CAP2: variants seen among roughly 807,000 people sequenced by gnomAD.
CAP2 encodes cyclase associated actin cytoskeleton regulatory protein 2.
Under a neutral mutation model 57.7 loss-of-function variants are expected in CAP2, and 24 were observed. The observed-to-expected ratio is 0.42, with a 90% CI of 0.30 to 0.58. CAP2 has a LOEUF of 0.58. Among genes scored for constraint, CAP2 ranks in the 20% least tolerant of loss-of-function variants. CAP2 has a pLI of 0.22. For synonymous variants in CAP2, 194 were observed against 207.2 expected, an observed-to-expected ratio of 0.94 and a Z score of 0.55; for missense variants, 501 against 590.3, an observed-to-expected ratio of 0.85 and a Z score of 1.57.
chr6:17,514,227 G>A (rs944600998), intron 7 of CAP2, among the ~76,000 whole-genome samples: 3 of 152,052 alleles, frequency 2.0e-5, no homozygotes, highest in African/African-American at 7.2e-5. Flanking sequence ...GCCAGGCATG[G>A]TAACGCACTT....
chr6:17,439,872 C>G (rs556660977), intron 3 of CAP2, among the ~76,000 whole-genome samples: 8 of 151,584 alleles, frequency 5.3e-5, no homozygotes, highest in Non-Finnish European at 1.0e-4. Context: ...GTGCACCCCA[C>G]TTCCTAACAG....
At chr6:17,481,278 G>T (rs562118491) in intron 4 of CAP2, among the ~76,000 whole-genome samples, 1 of 152,066 alleles carries the variant, frequency 6.6e-6, no homozygotes, top group East Asian at 1.9e-4. Context: ...AATTTCTGTG[G>T]TTTTTATGGC....
chr6:17,500,375 A>ATATATATATATG (rs1561806372), intron 4 of CAP2, among the ~76,000 whole-genome samples: 2 of 116,772 alleles, frequency 1.7e-5, no homozygotes, highest in African/African-American at 6.7e-5. Flanking sequence ...ATATATATAT[A>ATATATATATATG]TATATATATT....
chr6:17,444,806 A>C (rs1422297249), intron 3 of CAP2, among the ~76,000 whole-genome samples: 1 of 61,162 alleles, frequency 1.6e-5, no homozygotes, highest in African/African-American at 5.1e-5. Context: ...CTCTCTCTCC[A>C]CACACACACA....
chr6:17,464,545 G>T (rs1760813952), intron 4 of CAP2, among the ~76,000 whole-genome samples: 1 of 152,130 alleles, frequency 6.6e-6, no homozygotes, highest in Non-Finnish European at 1.5e-5. Flanking sequence ...ACCAGTACCT[G>T]GGTCCCAACC....
rs140863341 is a variant in CAP2, at chr6:17,430,784, G to A, written c.222+4094G>A. Among the ~76,000 whole-genome samples the A allele has an allele frequency of 6.2e-3, 941 of 152,176 alleles. 8 individuals are homozygous for A. The highest frequency in any genetic ancestry group is 0.031 in the Middle Eastern group (9 of 294). ...GAACTCCTGACCTCGTGATCCACCC[G>A]CCTCAGCCTCCCAAAGTGCTGGGAT... On this transcript the variant is annotated intron_variant, in intron 3 of 12. Coordinates refer to ENST00000229922, the MANE Select transcript of CAP2 (RefSeq NM_006366.3).
At chr6:17,534,747 T>C (rs1392353866) in intron 7 of CAP2, among the ~76,000 whole-genome samples, 2 of 152,178 alleles carry the variant, frequency 1.3e-5, no homozygotes, top group Non-Finnish European at 2.9e-5. Context: ...GATCCTTTCC[T>C]TCTCATCCAG....
chr6:17,448,747 A>G (rs1048784635), intron 3 of CAP2, among the ~76,000 whole-genome samples: 1 of 150,298 alleles, frequency 6.7e-6, no homozygotes, highest in African/African-American at 2.4e-5. Flanking sequence ...TTCCATGTCA[A>G]TGAGTTGAAG....
chr6:17,456,244 CAGAACCACTGATTCA>C (rs1760567668), intron 3 of CAP2, among the ~76,000 whole-genome samples: 1 of 152,192 alleles, frequency 6.6e-6, no homozygotes, highest in African/African-American at 2.4e-5. Context: ...GATGGACACA[CAGAACCACTGATTCA>C]AGCCTTCTGC....
chr6:17,532,169 C>A (rs1471354585), intron 7 of CAP2, among the ~76,000 whole-genome samples: 1 of 115,862 alleles, frequency 8.6e-6, no homozygotes, highest in East Asian at 2.6e-4. Context: ...GAGGCAGAGT[C>A]TCACTCTATC....
intron 2 of CAP2, among the ~76,000 whole-genome samples, chr6:17,422,779 A>T (rs1759482911): frequency 6.6e-6 from 1 of 152,226 alleles, no homozygotes; most frequent in Admixed American, 6.5e-5. Context: ...CAAGTTATCT[A>T]CAATAATTTT....
At position 17,543,062 on chromosome 6, in the gene CAP2, C is replaced by A; in HGVS notation, c.1128C>A (p.Asp376Glu). ...IKGKVNSIII[D>E]NCKKLGLVFD... is the part of the protein sequence containing the mutation. ...TTGTTGTGTTTTTTCTCCCCACAGA[C>A]AACTGTAAAAAACTCGGCCTGGTGT... The change falls in exon 11 of 13, where the codon GAC becomes GAA. Residue 376 changes from aspartate to glutamate, a missense_variant and splice_region_variant. Transcript: ENST00000229922. 6.2e-7 allele frequency: 1 copy of A among 1,613,766 alleles called. No individual in the cohort carries two copies.
intron 11 of CAP2, among the ~76,000 whole-genome samples, chr6:17,547,819 C>CA (rs1442690169): frequency 7.4e-6 from 1 of 135,510 alleles, no homozygotes; most frequent in African/African-American, 2.8e-5. Context: ...TCAGCCTGGG[C>CA]AACAGAGTGA....
At chr6:17,398,341 A>G (rs1476145329) in intron 1 of CAP2, among the ~76,000 whole-genome samples, 1 of 152,132 alleles carries the variant, frequency 6.6e-6, no homozygotes, top group Non-Finnish European at 1.5e-5. Flanking sequence ...GGTAAGTCTG[A>G]TAACAATGAG....
At chr6:17,487,773 GT>G (rs1404591879) in intron 4 of CAP2, among the ~76,000 whole-genome samples, 1 of 151,226 alleles carries the variant, frequency 6.6e-6, no homozygotes, top group African/African-American at 2.4e-5. Flanking sequence ...ACCTGGCCCA[GT>G]TTTTTTTGTT....
At chr6:17,461,538 AC>A (rs1304590030) in intron 3 of CAP2, among the ~76,000 whole-genome samples, 1 of 151,758 alleles carries the variant, frequency 6.6e-6, no homozygotes, top group Non-Finnish European at 1.5e-5. Flanking sequence ...AATCTTTGAA[AC>A]TTTCTGCATT....
chr6:17,396,140 A>T (rs1203541937), intron 1 of CAP2, among the ~76,000 whole-genome samples: 2 of 152,188 alleles, frequency 1.3e-5, no homozygotes, highest in Non-Finnish European at 2.9e-5. Flanking sequence ...ATAATCAAAA[A>T]GTCAGATAAT....
In CAP2 at chr6:17,514,174, C is replaced by T. The variant is rs76040546; in HGVS notation, c.636+220C>T. Reference sequence around the variant, plus strand: ...GGTCAGGAGTTCAAGACCAGCCTGGCAAACATGACAAAACACTGTCTCTAC... The same window carrying T: ...GGTCAGGAGTTCAAGACCAGCCTGGTAAACATGACAAAACACTGTCTCTAC... On this transcript the variant is annotated intron_variant, in intron 7 of 12. Coordinates refer to ENST00000229922, the MANE Select transcript of CAP2 (RefSeq NM_006366.3). 2.5e-3 allele frequency among the ~76,000 whole-genome samples: 372 copies of T among 150,716 alleles called. 1 individual carries two copies. Among genetic ancestry groups the T allele is most frequent in the African/African-American group, 8.3e-3 (342 of 41,048 alleles).
intron 9 of CAP2, among the ~76,000 whole-genome samples, chr6:17,541,699 T>C (rs1762904967): frequency 6.7e-6 from 1 of 149,936 alleles, no homozygotes; most frequent in Admixed American, 6.8e-5. Context: ...TTTTGAAATA[T>C]TTAAGACAGT....
Sources: allele counts gnomAD v4.1 joint callset (sites outside exome capture counted in the v4.1 genomes callset), GRCh38; gene constraint gnomAD v4.1.1; transcripts MANE v1.5; gene names NCBI Gene and HGNC (gene_info 2026-07-23, HGNC 2026-07-21).